The following USP6 variants were observed in gnomAD, a reference collection of about 807,000 sequenced individuals.
USP6 encodes the protein ubiquitin specific peptidase 6, also known as ubiquitin carboxyl-terminal hydrolase 6.
Under a neutral mutation model 175.7 loss-of-function variants are expected in USP6, and 128 were observed. The observed-to-expected ratio is 0.73, with a 90% CI of 0.63 to 0.84. The LOEUF is 0.84. Ranked by LOEUF, USP6 falls within the 40% of genes least tolerant of loss-of-function variation. The pLI, the probability that USP6 is intolerant of heterozygous loss-of-function variation, is 0.00. For missense variants in USP6, 1,498 were observed against 1,760.3 expected (o/e 0.85, Z 2.67); for synonymous variants, 562 against 630.6 (o/e 0.89, Z 1.63).
intron 11 of USP6, among the ~76,000 whole-genome samples, chr17:5,131,948 C>G (rs866486454): frequency 6.6e-6 from 1 of 152,108 alleles, no homozygotes; most frequent in African/African-American, 2.4e-5. Context: ...GCCCTTAGTG[C>G]ACCCAGAGTA....
intron 30 of USP6, 56 bp downstream of exon 30, chr17:5,148,823 A>C: frequency 6.3e-7 from 1 of 1,589,176 alleles, no homozygotes; most frequent in East Asian, 2.3e-5. Flanking sequence ...TTTGTGAAAT[A>C]GCCATTTTCT....
At chr17:5,145,821 T>C (rs568216466) in intron 27 of USP6, among the ~76,000 whole-genome samples, 21 of 152,324 alleles carry the variant, frequency 1.4e-4, no homozygotes, top group Non-Finnish European at 4.4e-5. Flanking sequence ...CACACTTTTA[T>C]GTCAGATGAA....
rs1412170345 is a variant in USP6 at position 5,146,047 on chromosome 17, C to G, written c.2192C>G (p.Pro731Arg). The G allele has an allele frequency of 6.2e-7, 1 of 1,611,432 alleles. No homozygotes were observed. The highest frequency in any genetic ancestry group is 1.3e-5 in the African/African-American group (1 of 74,910). ...GTGATTAAGTTAGATGGTACTACCC[C>G]TGTACGGTATGGACTAAGACTGAAT... ...ITVIKLDGTT[P>R]VRYGLRLNMD... The change falls in exon 28 of 38, where the codon CCT (proline) becomes CGT (arginine). Residue 731 changes from proline (P) to arginine (R), a missense_variant. Physicochemically the swap from Pro to Arg is moderately radical, Grantham distance 103. Coordinates refer to ENST00000574788, the MANE Select transcript of USP6 (RefSeq NM_001304284.2).
At position 5,146,052 on chromosome 17, in the gene USP6, C is replaced by T. The variant is rs773753537; in HGVS notation, c.2197C>T (p.Arg733Trp). 2.0e-5 allele frequency: 32 copies of T among 1,611,378 alleles called. No homozygotes were observed. The highest frequency in any genetic ancestry group is 3.3e-5 in the Admixed American group (2 of 59,766). Residue 733 changes from arginine to tryptophan, a missense_variant, in exon 28 of 38, where the codon CGG becomes TGG. By Grantham distance (101) the Arg-to-Trp change is moderately radical. Around this residue, in one of 2 missense-constraint regions of USP6, gnomAD observed 1,217 missense variants for 1,500.8 expected, o/e 0.81. Coordinates refer to ENST00000574788, the MANE Select transcript of USP6 (RefSeq NM_001304284.2). Reference protein sequence around the residue: ...VIKLDGTTPVRYGLRLNMDEK... With the variant: ...VIKLDGTTPVWYGLRLNMDEK... ...TAAGTTAGATGGTACTACCCCTGTA[C>T]GGTATGGACTAAGACTGAATATGGA...
chr17:5,136,083 G>A (rs964819681), intron 17 of USP6, among the ~76,000 whole-genome samples, 155 bp downstream of exon 17: 3 of 152,178 alleles, frequency 2.0e-5, no homozygotes, highest in Admixed American at 6.5e-5. Context: ...ACAGGAGTCC[G>A]CAGCTGACCC....
At chr17:5,161,503 C>T in intron 31 of USP6, 25 bp from the exon 32 acceptor site, 1 of 1,610,582 alleles carries the variant, frequency 6.2e-7, no homozygotes, top group Non-Finnish European at 8.5e-7. Context: ...GCTTCTTACA[C>T]TCTTTTTGTT....
intron 29 of USP6, 127 bp from the exon 30 acceptor site, chr17:5,148,429 A>G (rs2073671209): frequency 5.5e-6 from 6 of 1,097,390 alleles, no homozygotes; most frequent in Non-Finnish European, 7.7e-6. Flanking sequence ...AGAATTATTT[A>G]TACTATGATT....
intron 5 of USP6, among the ~76,000 whole-genome samples, 159 bp from the exon 6 acceptor site, chr17:5,125,660 ACG>A (rs879274162): frequency 0.056 from 3,816 of 67,862 alleles, 104 homozygotes; most frequent in East Asian, 0.13. Flanking sequence ...ACACACAAAC[ACG>A]CACACACACG....
In USP6 at chr17:5,173,262, T is replaced by C; in HGVS notation, c.*284T>C. 2.6e-6 allele frequency: 1 copy of C among 383,262 alleles called. No individual in the cohort carries two copies. Among genetic ancestry groups the C allele is most frequent in the Non-Finnish European group, 4.8e-6 (1 of 210,076 alleles). 23.7% of individuals were successfully genotyped at this position (383,262 alleles called of 1,614,324 possible). ...GACCAAATAAGAATTGAATTGTGCT[T>C]GTCCAGATATGAACAAATATGTAGT... On this transcript the variant is annotated 3_prime_UTR_variant, in exon 38 of 38. Transcript: ENST00000574788.
Position 5,116,185 on chromosome 17 carries a change from A to T in USP6, c.-2483A>T, listed in dbSNP as rs972447645. On this transcript the variant is annotated 5_prime_UTR_variant, in exon 1 of 38. Transcript: ENST00000574788. ...CCATGCTGTCCCCGCTCCAACTAGC[A>T]GTCAGGAGGGGCCGCGGGCAGCGCT... 5.5e-5 allele frequency among the ~76,000 whole-genome samples: 8 copies of T among 146,222 alleles called. No individual in the cohort carries two copies. In the Admixed American group the frequency reaches 5.6e-4, roughly 10 times the overall value.
intron 4 of USP6, among the ~76,000 whole-genome samples, chr17:5,123,917 ACG>A (rs1324640596): frequency 4.2e-4 from 49 of 117,664 alleles, no homozygotes; most frequent in African/African-American, 1.5e-3. Flanking sequence ...ACACACACAC[ACG>A]CACACACACA....
At chr17:5,163,650 A>G (rs2144133477) in intron 33 of USP6, among the ~76,000 whole-genome samples, 1 of 152,358 alleles carries the variant, frequency 6.6e-6, no homozygotes, top group East Asian at 1.9e-4. Context: ...AAAAATATTA[A>G]TAAGTGAATC....
rs1180584808 is a variant in USP6 at position 5,138,170 on chromosome 17, C to T, written c.975C>T (p.Asn325=). 5 of 1,614,124 alleles carry T rather than the reference C, an allele frequency of 3.1e-6. No individual in the cohort carries two copies. The highest frequency in any genetic ancestry group is 2.5e-6 in the Non-Finnish European group (3 of 1,180,006). ...SRCGLWARLR[N]QFFDTWAMND... ...GTGGCCTGTGGGCACGTCTGCGGAA[C>T]CAATTCTTCGATACCTGGGCCATGA... The change falls in exon 21 of 38, where the codon AAC becomes AAT. Residue 325 remains asparagine (N), a synonymous_variant. Transcript: ENST00000574788.
chr17:5,130,542 C>T (rs940219259), intron 10 of USP6, 60 bp from the exon 11 acceptor site: 119 of 1,610,036 alleles, frequency 7.4e-5, no homozygotes, highest in Non-Finnish European at 9.3e-5. Context: ...GTGGCCAATA[C>T]CCCCAGGCCC....
At chr17:5,122,623 C>CGGAACGG (rs1215567544) in intron 4 of USP6, among the ~76,000 whole-genome samples, 3 of 152,330 alleles carry the variant, frequency 2.0e-5, no homozygotes, top group Admixed American at 1.3e-4. Context: ...GGGGCCCTCC[C>CGGAACGG]GGAACGGCCG....
rs981530042 is a variant in USP6 at position 5,130,750 on chromosome 17, T to C, written c.155+66T>C. On this transcript the variant is annotated intron_variant, in intron 11 of 37. Transcript: ENST00000574788. The stretch of plus-strand genomic sequence containing the variant: ...GTCTCAGCTCAGGGATGGGTTTGCT[T>C]TTAGAAAGGCCTTTCTGATGCAGGA... 19 of 1,590,744 alleles carry C rather than the reference T, an allele frequency of 1.2e-5. No individual in the cohort carries two copies. In the Admixed American group the frequency reaches 3.0e-4, roughly 25 times the overall value.
intron 33 of USP6, among the ~76,000 whole-genome samples, chr17:5,163,470 G>T (rs1310194000): frequency 1.3e-5 from 2 of 152,136 alleles, no homozygotes; most frequent in Admixed American, 1.3e-4. Context: ...TCTCAGAAGA[G>T]AACTCACTAC....
chr17:5,143,165 G>T (rs887186883), intron 25 of USP6, among the ~76,000 whole-genome samples: 2 of 152,136 alleles, frequency 1.3e-5, no homozygotes, highest in African/African-American at 4.8e-5. Flanking sequence ...CAGCCGCCCC[G>T]TCCGGGAGGT....
rs917862293 is a variant in USP6 at position 5,162,760 on chromosome 17, C to G, written c.2916-124C>G. The G allele has an allele frequency of 2.2e-6, 3 of 1,364,242 alleles. No individual in the cohort carries two copies. In the African/African-American group the frequency reaches 4.6e-5, roughly 21 times the overall value. The allele number at this position is 1,364,242 out of a possible 1,614,324, so 84.5% of individuals were successfully genotyped here. On this transcript the variant is annotated intron_variant, in intron 32 of 37. Coordinates refer to ENST00000574788, the MANE Select transcript of USP6 (RefSeq NM_001304284.2). ...TTTATCAGAGTCTGAAGTTAGAAGCCCATGACAAATTGTGAGGCCCAAGAG... is the reference window on the plus strand; with the variant it reads ...TTTATCAGAGTCTGAAGTTAGAAGCGCATGACAAATTGTGAGGCCCAAGAG...
Sources: gnomAD v4.1 joint callset for allele counts (sites outside exome capture counted in the v4.1 genomes callset) on GRCh38, gnomAD v4.1.1 for gene constraint, gnomAD v4.1.1 regional missense constraint, MANE v1.5 for transcripts, NCBI Gene and HGNC (gene_info 2026-07-23, HGNC 2026-07-21) for gene names.